Variants in CRB1 observed in about 807,000 individuals in gnomAD.
CRB1 encodes crumbs cell polarity complex component 1.
A neutral mutation model predicts 120.0 loss-of-function variants in CRB1; 83 were observed. The observed-to-expected ratio is 0.69, with a 90% CI of 0.58 to 0.83. The LOEUF is 0.83. CRB1 is among the 40% of genes least tolerant of loss of function. The pLI, the probability that CRB1 is intolerant of heterozygous loss-of-function variation, is 0.00. For missense variants in CRB1, 1,699 were observed against 1,687.6 expected (o/e 1.01, Z -0.12); for synonymous variants, 625 against 612.5 (o/e 1.02, Z -0.30).
At chr1:197,276,784 G>T (rs962928577) in intron 1 of CRB1, among the ~76,000 whole-genome samples, 7 of 151,852 alleles carry the variant, frequency 4.6e-5, no homozygotes, top group African/African-American at 7.3e-5. Context: ...GGTGTCAGGG[G>T]TTTTACAATA....
chr1:197,359,162 G>A (rs1660643613), intron 5 of CRB1, among the ~76,000 whole-genome samples: 2 of 152,088 alleles, frequency 1.3e-5, no homozygotes, highest in African/African-American at 4.8e-5. Flanking sequence ...TATCAGACTT[G>A]CATATTGACA....
chr1:197,426,337 C>T (rs762384709), intron 6 of CRB1, among the ~76,000 whole-genome samples: 1 of 151,922 alleles, frequency 6.6e-6, no homozygotes, highest in Non-Finnish European at 1.5e-5. Context: ...TCTCAGAGTT[C>T]CTCCCTGATT....
the CRB1 span, among the ~76,000 whole-genome samples, chr1:197,251,760 A>G: frequency 1.5e-4 from 23 of 151,610 alleles, no homozygotes; most frequent in African/African-American, 5.1e-4. Flanking sequence ...AAATTTTTTT[A>G]TGTGTTTGTG....
intron 1 of CRB1, among the ~76,000 whole-genome samples, chr1:197,296,252 C>T (rs551513677): frequency 4.8e-4 from 73 of 152,146 alleles, no homozygotes; most frequent in African/African-American, 1.6e-3. Flanking sequence ...ATCTCCACTA[C>T]TTACCAGATG....
chr1:197,239,736 T>C, the CRB1 span, among the ~76,000 whole-genome samples: 1 of 151,360 alleles, frequency 6.6e-6, no homozygotes, highest in East Asian at 1.9e-4. Context: ...GTTTTCTGTT[T>C]GTTTTCTCTA....
intron 1 of CRB1, among the ~76,000 whole-genome samples, chr1:197,280,801 ACTCATAT>A (rs1276660281): frequency 6.6e-6 from 1 of 151,816 alleles, no homozygotes; most frequent in Non-Finnish European, 1.5e-5. Flanking sequence ...TGGCTGGTAA[ACTCATAT>A]TTATGAAGAC....
intron 2 of CRB1, among the ~76,000 whole-genome samples, chr1:197,342,904 AC>A (rs981949360): frequency 1.3e-5 from 2 of 152,160 alleles, no homozygotes; most frequent in African/African-American, 4.8e-5. Context: ...CTCTTCCATG[AC>A]CTTAGTTATG....
At chr1:197,346,156 T>C (rs1571875976) in intron 3 of CRB1, among the ~76,000 whole-genome samples, 1 of 152,332 alleles carries the variant, frequency 6.6e-6, no homozygotes, top group South Asian at 2.1e-4. Context: ...ATGAATAATT[T>C]CCCTATTGTA....
At chr1:197,331,168 A>G (rs1367775962) in intron 2 of CRB1, among the ~76,000 whole-genome samples, 1 of 152,072 alleles carries the variant, frequency 6.6e-6, no homozygotes, top group African/African-American at 2.4e-5. Context: ...AAAAAAAAAA[A>G]GAGGAGCCCT....
chr1:197,435,015 G>C lies in CRB1; in HGVS notation c.3152G>C (p.Trp1051Ser). 1 of 1,613,924 alleles carries C rather than the reference G, an allele frequency of 6.2e-7. No individual in the cohort carries two copies. Among genetic ancestry groups the C allele is most frequent in the Non-Finnish European group, 8.5e-7 (1 of 1,179,886 alleles). The change falls in exon 9 of 12, where the codon TGG (tryptophan) becomes TCG (serine). Residue 1051 changes from tryptophan to serine, a missense_variant. Transcript: ENST00000367400. Reference protein sequence around the residue: ...MTDPLSQTSRWQMEVDNETPF... With the variant: ...MTDPLSQTSRSQMEVDNETPF... ...GACCCACTGTCCCAGACCTCCAGGT[G>C]GCAAATGGAAGTGGACAACGAAACA...
chr1:197,298,005 G>A (rs551774787), intron 1 of CRB1, among the ~76,000 whole-genome samples: 1 of 152,006 alleles, frequency 6.6e-6, no homozygotes, highest in Non-Finnish European at 1.5e-5. Flanking sequence ...AGAATAGATG[G>A]TGAACATAGA....
At chr1:197,387,774 T>A (rs1039477359) in intron 5 of CRB1, among the ~76,000 whole-genome samples, 5 of 151,920 alleles carry the variant, frequency 3.3e-5, no homozygotes, top group African/African-American at 9.7e-5. Flanking sequence ...ACAAAAAGAA[T>A]ACAAGTTTAT....
At chr1:197,258,286 CT>C in the CRB1 span, among the ~76,000 whole-genome samples, 2 of 151,612 alleles carry the variant, frequency 1.3e-5, no homozygotes, top group African/African-American at 4.8e-5. Context: ...TGGTTCCTTC[CT>C]TTTTTTTGCG....
At position 197,465,338 on chromosome 1, in the gene CRB1, G is replaced by A. The variant is rs140491200; in HGVS notation, c.4006-12326G>A. 3.7e-4 allele frequency among the ~76,000 whole-genome samples: 56 copies of A among 152,036 alleles called. 1 individual carries two copies. The highest frequency in any genetic ancestry group is 1.9e-4 in the East Asian group (1 of 5,180). ...GCCTTTGCTTCTGTTGTGCTTTTGC[G>A]TATTTAGGTGAACTGTTAGTAAAGT... On this transcript the variant is annotated intron_variant, in intron 11 of 11. Coordinates refer to ENST00000367400, the MANE Select transcript of CRB1 (RefSeq NM_201253.3).
chr1:197,374,565 G>T (rs186676545), intron 5 of CRB1, among the ~76,000 whole-genome samples: 68 of 152,232 alleles, frequency 4.5e-4, no homozygotes, highest in African/African-American at 1.6e-3. Flanking sequence ...TCTTCTTAAA[G>T]AAGTTGATGT....
intron 5 of CRB1, among the ~76,000 whole-genome samples, chr1:197,408,355 A>G (rs1663527324): frequency 1.3e-5 from 2 of 152,178 alleles, no homozygotes; most frequent in Non-Finnish European, 2.9e-5. Flanking sequence ...GAGAGAGAGA[A>G]AACTTTGAAT....
chr1:197,360,976 T>C (rs1660738680), intron 5 of CRB1, among the ~76,000 whole-genome samples: 1 of 152,182 alleles, frequency 6.6e-6, no homozygotes, highest in Non-Finnish European at 1.5e-5. Context: ...TAAATGGGTA[T>C]TGCATTTGGT....
intron 5 of CRB1, among the ~76,000 whole-genome samples, chr1:197,372,586 G>T (rs79123626): frequency 1.3e-5 from 2 of 152,058 alleles, no homozygotes. Flanking sequence ...TAGGAAAAGC[G>T]TATGAATATA....
At chr1:197,380,536 T>G (rs963790302) in intron 5 of CRB1, among the ~76,000 whole-genome samples, 3 of 152,160 alleles carry the variant, frequency 2.0e-5, no homozygotes, top group Admixed American at 6.5e-5. Context: ...GTGAAAAGAT[T>G]TGAACAGCTT....
Sources: gnomAD v4.1 joint callset for allele counts (sites outside exome capture counted in the v4.1 genomes callset) on GRCh38, gnomAD v4.1.1 for gene constraint, MANE v1.5 for transcripts, NCBI Gene and HGNC (gene_info 2026-07-23, HGNC 2026-07-21) for gene names.